Variants in ATRNL1 observed in about 807,000 individuals in gnomAD.
ATRNL1 encodes the protein attractin like 1.
In ATRNL1, 95 loss-of-function variants were observed where a neutral mutation model predicts 182.7. The observed-to-expected ratio is 0.52, with a 90% CI of 0.44 to 0.62. ATRNL1 has a LOEUF of 0.62. ATRNL1 is among the 20% of genes least tolerant of loss of function. The pLI is 0.00. For synonymous variants in ATRNL1, 576 were observed against 568.3 expected, an observed-to-expected ratio of 1.01 and a Z score of -0.19; for missense variants, 1,471 against 1,679.5, an observed-to-expected ratio of 0.88 and a Z score of 2.17.
At chr10:115,769,680 T>C (rs997505545) in intron 27 of ATRNL1, among the ~76,000 whole-genome samples, 32 of 152,174 alleles carry the variant, frequency 2.1e-4, no homozygotes, top group African/African-American at 7.5e-4. Context: ...ATCTGATAAC[T>C]GGCTGATTTC....
At chr10:115,385,868 G>A (rs80076842) in intron 19 of ATRNL1, among the ~76,000 whole-genome samples, 1,879 of 152,182 alleles carry the variant, frequency 0.012, 18 homozygotes, top group Non-Finnish European at 0.021. Flanking sequence ...CTAAATTGAT[G>A]GAATATGTGT....
chr10:115,093,825 G>C lies in ATRNL1; in HGVS notation c.75G>C (p.Ala25=). Residue 25 remains alanine, a synonymous_variant, in exon 1 of 29, where the codon GCG becomes GCC. Transcript: ENST00000355044. The surrounding 1 kb of genome is among the most constrained non-coding windows in gnomAD (Gnocchi z 6.1). The stretch of plus-strand genomic sequence containing the variant: ...CGGGGGTGTGGAGGGCTCGGCCGGC[G>C]GGCGGCGGCGGCGGGGGCGCCTCCT... ...AAPGVWRARP[A]GGGGGGASSW... is the part of the protein sequence containing the mutation. 1 of 1,507,208 alleles carries C rather than the reference G, an allele frequency of 6.6e-7. No individual in the cohort carries two copies. The highest frequency in any genetic ancestry group is 1.3e-5 in the South Asian group (1 of 78,368). The allele number at this position is 1,507,208 out of a possible 1,614,324, so 93.4% of individuals were successfully genotyped here. A position where few individuals can be genotyped will look rare whatever the true frequency, so the allele number is the denominator to read the frequency against.
At chr10:115,780,495 T>C (rs1395947056) in intron 27 of ATRNL1, among the ~76,000 whole-genome samples, 1 of 152,068 alleles carries the variant, frequency 6.6e-6, no homozygotes, top group Non-Finnish European at 1.5e-5. Flanking sequence ...AGGAAGTGCT[T>C]GTGCCACCCC....
intron 1 of ATRNL1, among the ~76,000 whole-genome samples, chr10:115,114,070 A>T (rs1554869098): frequency 2.0e-5 from 3 of 152,164 alleles, no homozygotes. Context: ...TGACCCATGG[A>T]ACAGGATAGA....
At chr10:115,171,391 AG>A in intron 8 of ATRNL1, 99 bp downstream of exon 8, 1 of 1,100,276 alleles carries the variant, frequency 9.1e-7, no homozygotes, top group Non-Finnish European at 1.3e-6. Context: ...GAGTTATTTG[AG>A]ATTGAAATTA....
intron 26 of ATRNL1, among the ~76,000 whole-genome samples, chr10:115,632,373 G>T (rs782603697): frequency 6.6e-6 from 1 of 152,000 alleles, no homozygotes; most frequent in Non-Finnish European, 1.5e-5. Flanking sequence ...AAAAATCAAT[G>T]CTTGATTATT....
At chr10:115,525,262 T>C (rs1373033792) in intron 25 of ATRNL1, among the ~76,000 whole-genome samples, 7 of 152,206 alleles carry the variant, frequency 4.6e-5, no homozygotes, top group African/African-American at 1.7e-4. Context: ...CATGCCTTAT[T>C]AATAATCCCT....
rs782173215 is a variant in ATRNL1, at chr10:115,266,814, G to A, written c.1790G>A (p.Gly597Glu). 1 of 1,603,866 alleles carries A rather than the reference G, an allele frequency of 6.2e-7. No individual in the cohort carries two copies. The highest frequency in any genetic ancestry group is 8.5e-7 in the Non-Finnish European group (1 of 1,173,444). Residue 597 changes from glycine (G) to glutamate (E), a missense_variant, in exon 12 of 29, where the codon GGG becomes GAG. Around this residue, in one of 3 missense-constraint regions of ATRNL1, gnomAD observed 1,031 missense variants for 1,156.0 expected, o/e 0.89. Transcript: ENST00000355044. ...VVINGSMYIF[G>E]GFSSVLLNDI... Reference sequence around the variant, plus strand: ...TTTAATAGGTCCATGTATATATTTGGGGGATTTTCTAGTGTACTCCTTAAT... The same window carrying A: ...TTTAATAGGTCCATGTATATATTTGAGGGATTTTCTAGTGTACTCCTTAAT...
At position 115,847,963 on chromosome 10, in the gene ATRNL1, A is replaced by T. The variant is rs1950968093; in HGVS notation, c.3990A>T (p.Ser1330=). 6.2e-7 allele frequency: 1 copy of T among 1,611,136 alleles called. No individual in the cohort carries two copies. The highest frequency in any genetic ancestry group is 8.5e-7 in the Non-Finnish European group (1 of 1,177,586). The change falls in exon 28 of 29, where the codon TCA becomes TCT. Residue 1330 remains serine (S), a synonymous_variant. Transcript: ENST00000355044. ...LTVFLCLPRG[S]SGAPPPGQSG... ...TGTTTCTTTGTCTACCACGAGGATC[A>T]TCAGGTGCCCCTCCCCCTGGGCAGT...
At chr10:115,110,677 A>C (rs568760102) in intron 1 of ATRNL1, among the ~76,000 whole-genome samples, 180 of 152,292 alleles carry the variant, frequency 1.2e-3, no homozygotes, top group African/African-American at 4.1e-3. Flanking sequence ...GTAAAAACAA[A>C]TTTAGGGGCA....
At chr10:115,844,613 A>T (rs1453148629) in intron 27 of ATRNL1, among the ~76,000 whole-genome samples, 3 of 152,086 alleles carry the variant, frequency 2.0e-5, no homozygotes, top group Non-Finnish European at 4.4e-5. Flanking sequence ...AACAGTTTTA[A>T]AAACACTAGA....
At chr10:115,617,971 TAGTG>T (rs1204865964) in intron 26 of ATRNL1, among the ~76,000 whole-genome samples, 2 of 152,150 alleles carry the variant, frequency 1.3e-5, no homozygotes, top group Non-Finnish European at 2.9e-5. Flanking sequence ...ATTCTTGTGA[TAGTG>T]AGTGAGTTCT....
In ATRNL1 at chr10:115,713,209, A is replaced by G. The variant is rs186611664; in HGVS notation, c.3796-14039A>G. 2.6e-4 allele frequency among the ~76,000 whole-genome samples: 39 copies of G among 152,264 alleles called. No homozygotes were observed. The East Asian group carries it at 7.3e-3, about 29-fold the overall frequency. On this transcript the variant is annotated intron_variant, in intron 26 of 28. Coordinates refer to ENST00000355044, the MANE Select transcript of ATRNL1 (RefSeq NM_207303.4). Reference sequence around the variant, plus strand: ...CTTGAGCTTGTGTTCAAACTAAACGATTGTAAGTTTCATCCATAGGTCCTA... The same window carrying G: ...CTTGAGCTTGTGTTCAAACTAAACGGTTGTAAGTTTCATCCATAGGTCCTA...
intron 27 of ATRNL1, among the ~76,000 whole-genome samples, chr10:115,803,054 G>C (rs1565392860): frequency 6.6e-6 from 1 of 152,116 alleles, no homozygotes; most frequent in African/African-American, 2.4e-5. Context: ...TTTCTAAAAT[G>C]CTGCTACTAT....
At chr10:115,155,255 A>C (rs1490532441) in intron 5 of ATRNL1, among the ~76,000 whole-genome samples, 1 of 151,514 alleles carries the variant, frequency 6.6e-6, no homozygotes, top group Non-Finnish European at 1.5e-5. Context: ...TAAAAAATCC[A>C]TTCAGTCAGT....
At chr10:115,728,487 T>A (rs1403325369) in intron 27 of ATRNL1, among the ~76,000 whole-genome samples, 1 of 152,122 alleles carries the variant, frequency 6.6e-6, no homozygotes, top group Non-Finnish European at 1.5e-5. Context: ...TTCTCTTTTT[T>A]AAAAATGTCT....
intron 26 of ATRNL1, among the ~76,000 whole-genome samples, chr10:115,572,572 C>T (rs2250610): frequency 0.97 from 147,933 of 152,150 alleles, 72,083 homozygotes; most frequent in East Asian, 1. Context: ...TCAAGAGCAT[C>T]ACTTGAGGTA....
intron 28 of ATRNL1, among the ~76,000 whole-genome samples, chr10:115,921,514 G>A (rs1273084385): frequency 3.9e-5 from 3 of 77,584 alleles, no homozygotes; most frequent in African/African-American, 8.3e-5. Flanking sequence ...TACAATAACT[G>A]TTAAGGTTCT....
Position 115,361,565 on chromosome 10 carries a change from C to T in ATRNL1, c.3175+27146C>T, listed in dbSNP as rs1192394747. ...ATGTATTTTCATACATATGCACAAC[C>T]TCACCTACATCAATATTCATTTCTT... On this transcript the variant is annotated intron_variant, in intron 19 of 28. Coordinates refer to ENST00000355044, the MANE Select transcript of ATRNL1 (RefSeq NM_207303.4). Among the ~76,000 whole-genome samples, 3 of 152,026 alleles carry T rather than the reference C, an allele frequency of 2.0e-5. No homozygotes were observed. The East Asian group carries it at 5.8e-4, about 29-fold the overall frequency.
Sources: gnomAD v4.1 joint callset for allele counts (sites outside exome capture counted in the v4.1 genomes callset) on GRCh38, gnomAD v4.1.1 for gene constraint, gnomAD v4.1.1 regional missense constraint, Gnocchi (gnomAD v3.1) non-coding constraint, MANE v1.5 for transcripts, NCBI Gene and HGNC (gene_info 2026-07-23, HGNC 2026-07-21) for gene names.